SCLT1: variants seen among roughly 807,000 people sequenced by gnomAD.
SCLT1 encodes sodium channel-associated protein 1.
A neutral mutation model predicts 112.8 loss-of-function variants in SCLT1; 78 were observed. The observed-to-expected ratio is 0.69, with a 90% CI of 0.58 to 0.83. The LOEUF (loss-of-function observed/expected upper bound fraction) is 0.83, where lower values mean the gene tolerates loss of function less well. SCLT1 is among the 40% of genes least tolerant of loss of function. The pLI is 0.00. For missense variants in SCLT1, 747 were observed against 770.4 expected, an observed-to-expected ratio of 0.97 and a Z score of 0.36; for synonymous variants, 257 against 254.7, an observed-to-expected ratio of 1.01 and a Z score of -0.09.
chr4:128,942,045 C>T (rs543578138), intron 17 of SCLT1, among the ~76,000 whole-genome samples: 1 of 152,110 alleles, frequency 6.6e-6, no homozygotes, highest in East Asian at 1.9e-4. Context: ...ATTATTTTAG[C>T]TTTTTATCAA....
At chr4:129,019,906 C>A (rs369771192) in intron 5 of SCLT1, among the ~76,000 whole-genome samples, 52 of 151,828 alleles carry the variant, frequency 3.4e-4, no homozygotes, top group African/African-American at 1.2e-3. Context: ...TTCTCCAGTT[C>A]TAAAGTGCAA....
intron 9 of SCLT1, among the ~76,000 whole-genome samples, chr4:128,977,951 G>C (rs771037606): frequency 6.6e-6 from 1 of 152,098 alleles, no homozygotes; most frequent in Non-Finnish European, 1.5e-5. Flanking sequence ...CTGCAAACAA[G>C]AGATGGTGGG....
chr4:129,042,865 G>C (rs180742737), intron 4 of SCLT1, among the ~76,000 whole-genome samples: 2 of 152,076 alleles, frequency 1.3e-5, no homozygotes, highest in African/African-American at 4.8e-5. Flanking sequence ...ACGAGGTCAG[G>C]AGATCGAGAC....
intron 13 of SCLT1, among the ~76,000 whole-genome samples, chr4:128,956,073 T>C (rs991244896): frequency 6.6e-6 from 1 of 152,156 alleles, no homozygotes; most frequent in Non-Finnish European, 1.5e-5. Context: ...AATAGGGAAA[T>C]AATTGGATTT....
At chr4:129,018,774 T>G (rs939509371) in intron 5 of SCLT1, among the ~76,000 whole-genome samples, 1 of 152,144 alleles carries the variant, frequency 6.6e-6, no homozygotes, top group Non-Finnish European at 1.5e-5. Flanking sequence ...TATGATTCCT[T>G]ATTTTACTAA....
intron 2 of SCLT1, among the ~76,000 whole-genome samples, chr4:129,076,242 T>C (rs1052414025): frequency 5.3e-5 from 8 of 152,176 alleles, no homozygotes; most frequent in Non-Finnish European, 1.2e-4. Context: ...TTACCTAGCA[T>C]AGGCATGAAC....
chr4:128,878,152 T>C (rs1264453090), intron 3 of SCLT1, among the ~76,000 whole-genome samples: 4 of 152,250 alleles, frequency 2.6e-5, no homozygotes, highest in African/African-American at 9.6e-5. Context: ...TTTTGTGATA[T>C]GAAGTATAAT....
intron 18 of SCLT1, among the ~76,000 whole-genome samples, chr4:128,908,292 A>G (rs1734835594): frequency 6.6e-6 from 1 of 151,882 alleles, no homozygotes; most frequent in African/African-American, 2.4e-5. Context: ...TTTCCTGTTG[A>G]ATTATGCTAT....
At chr4:128,934,797 A>C (rs537270083) in intron 18 of SCLT1, among the ~76,000 whole-genome samples, 1 of 151,746 alleles carries the variant, frequency 6.6e-6, no homozygotes, top group South Asian at 2.1e-4. Flanking sequence ...TCAACCTTTT[A>C]TTTCTTTTTC....
chr4:129,073,327 G>T (rs1751185750), intron 2 of SCLT1, among the ~76,000 whole-genome samples: 1 of 152,098 alleles, frequency 6.6e-6, no homozygotes, highest in African/African-American at 2.4e-5. Context: ...TCTGTCCATT[G>T]TATTTAACTT....
Position 128,948,508 on chromosome 4 carries a change from T to A in SCLT1, c.1281A>T (p.Glu427Asp). The A allele has an allele frequency of 6.2e-7, 1 of 1,608,490 alleles. No individual in the cohort carries two copies. Among genetic ancestry groups the A allele is most frequent in the Non-Finnish European group, 8.5e-7 (1 of 1,176,772 alleles). ...TTTTTCTTTTTACCTTTTCTAGTTC[T>A]TCTTCCACTGCTTTTTTTTCCTTAA... The part of the protein sequence containing the change: ...RVIKEKKAVE[E>D]ELEKIYREGR... Residue 427 changes from glutamate to aspartate, a missense_variant, in exon 15 of 21, where the codon GAA becomes GAT. Around this residue, in one of 2 missense-constraint regions of SCLT1, gnomAD observed 723 missense variants for 721.3 expected, o/e 1.00. Transcript: ENST00000281142.
chr4:129,087,879 A>G (rs1227946667), intron 1 of SCLT1, among the ~76,000 whole-genome samples: 1 of 151,958 alleles, frequency 6.6e-6, no homozygotes, highest in Non-Finnish European at 1.5e-5. Flanking sequence ...TGAGCCCAGG[A>G]GTTCAAGACC....
At chr4:128,985,994 AAGAAAG>A (rs1742058583) in intron 9 of SCLT1, among the ~76,000 whole-genome samples, 1 of 152,220 alleles carries the variant, frequency 6.6e-6, no homozygotes, top group African/African-American at 2.4e-5. Flanking sequence ...CCACCCACAT[AAGAAAG>A]CACCTTCATA....
chr4:129,042,186 T>C lies in SCLT1; in HGVS notation c.234+1209A>G, dbSNP rs78750627. 7.9e-3 allele frequency among the ~76,000 whole-genome samples: 1,210 copies of C among 152,298 alleles called. 15 individuals carry two copies. Among genetic ancestry groups the C allele is most frequent in the African/African-American group, 0.028 (1,160 of 41,558 alleles). On this transcript the variant is annotated intron_variant, in intron 4 of 20. Coordinates refer to ENST00000281142, the MANE Select transcript of SCLT1 (RefSeq NM_144643.4). ...AATCATGAGTATATTCAAGCTCTAATAGAGAGAGGTCATTGCCTCCTGATA... is the reference window on the plus strand; with the variant it reads ...AATCATGAGTATATTCAAGCTCTAACAGAGAGAGGTCATTGCCTCCTGATA...
intron 5 of SCLT1, among the ~76,000 whole-genome samples, chr4:129,020,360 T>C (rs1402040894): frequency 6.6e-6 from 1 of 152,210 alleles, no homozygotes; most frequent in African/African-American, 2.4e-5. Flanking sequence ...CCAGAGCCCA[T>C]GGCTCTGGGG....
intron 5 of SCLT1, among the ~76,000 whole-genome samples, chr4:129,004,130 A>G (rs903949729): frequency 2.0e-5 from 3 of 150,246 alleles, no homozygotes; most frequent in Non-Finnish European, 3.0e-5. Flanking sequence ...TGTCCTAGAG[A>G]GGTTTCAATT....
intron 18 of SCLT1, among the ~76,000 whole-genome samples, chr4:128,909,520 T>C (rs1438367442): frequency 1.3e-5 from 2 of 152,202 alleles, no homozygotes; most frequent in African/African-American, 4.8e-5. Flanking sequence ...AATGCTGGGA[T>C]AACAGGTGTG....
At chr4:129,085,783 T>C (rs1355802874) in intron 1 of SCLT1, among the ~76,000 whole-genome samples, 1 of 152,200 alleles carries the variant, frequency 6.6e-6, no homozygotes, top group Admixed American at 6.5e-5. Context: ...AAGTACGGCA[T>C]GTTCTCAATT....
At chr4:129,072,383 T>C (rs1301135093) in intron 2 of SCLT1, among the ~76,000 whole-genome samples, 1 of 152,200 alleles carries the variant, frequency 6.6e-6, no homozygotes, top group Non-Finnish European at 1.5e-5. Context: ...TTTCCTCAAT[T>C]ATTCCCCCAA....
Sources: allele counts gnomAD v4.1 joint callset (sites outside exome capture counted in the v4.1 genomes callset), GRCh38; gene constraint gnomAD v4.1.1; regional missense constraint gnomAD v4.1.1; transcripts MANE v1.5; gene names NCBI Gene and HGNC (gene_info 2026-07-23, HGNC 2026-07-21).